SSBP3: variants seen among roughly 807,000 people sequenced by gnomAD.
SSBP3 encodes the protein single stranded DNA binding protein 3.
SSBP3 carries 5 observed loss-of-function variants against 69.6 expected under a neutral mutation model. The ratio of observed to expected loss-of-function variants is 0.07; its 90% CI spans 0.04 to 0.15. The LOEUF (loss-of-function observed/expected upper bound fraction) is 0.15, where lower values mean the gene tolerates loss of function less well. Among genes scored for constraint, SSBP3 ranks in the 10% least tolerant of loss-of-function variants. The probability of loss-of-function intolerance (pLI) is 1.00; values close to 1 mark genes in which losing one functional copy is unlikely to be tolerated. For synonymous variants in SSBP3, 196 were observed against 193.4 expected (o/e 1.01, Z -0.11); for missense variants, 312 against 534.0 (o/e 0.58, Z 4.10).
At chr1:54,282,494 T>C (rs959920173) in intron 4 of SSBP3, among the ~76,000 whole-genome samples, 1 of 152,210 alleles carries the variant, frequency 6.6e-6, no homozygotes, top group Non-Finnish European at 1.5e-5. Context: ...TGTTCTGGCA[T>C]TTGCCTGGTA....
At chr1:54,257,816 A>G (rs1380257527) in intron 6 of SSBP3, among the ~76,000 whole-genome samples, 1 of 152,228 alleles carries the variant, frequency 6.6e-6, no homozygotes, top group Non-Finnish European at 1.5e-5. Flanking sequence ...GAAAAAACAA[A>G]AACGCAAAGG....
chr1:54,233,308 C>T (rs1003617538), intron 14 of SSBP3, among the ~76,000 whole-genome samples: 4 of 147,776 alleles, frequency 2.7e-5, no homozygotes, highest in Non-Finnish European at 6.0e-5. Flanking sequence ...TCTGCCCGGC[C>T]GCGACCCCGT....
intron 4 of SSBP3, among the ~76,000 whole-genome samples, chr1:54,396,193 G>GAAAAAAAA (rs59276509): frequency 5.2e-4 from 21 of 40,578 alleles, no homozygotes; most frequent in African/African-American, 5.8e-4. Flanking sequence ...CTCCATCTCA[G>GAAAAAAAA]AAAAAAAAAA....
intron 4 of SSBP3, among the ~76,000 whole-genome samples, chr1:54,338,727 G>A (rs574956044): frequency 2.5e-4 from 38 of 152,282 alleles, no homozygotes; most frequent in African/African-American, 8.9e-4. Context: ...CGTGAACAAC[G>A]TAAAAATAGC....
At chr1:54,265,302 AAGGGTGTGGGTGTGTGTGTGTTATGT>A (rs1397832082) in intron 5 of SSBP3, among the ~76,000 whole-genome samples, 1 of 152,058 alleles carries the variant, frequency 6.6e-6, no homozygotes, top group Admixed American at 6.5e-5. Flanking sequence ...GGGTTGTGTG[AAGGGTGTGGGTGTGTGTGTGTTATGT>A]AGGGTGTGTA....
chr1:54,405,818 G>A (rs920038134), intron 1 of SSBP3, 135 bp downstream of exon 1: 176 of 471,314 alleles, frequency 3.7e-4, no homozygotes, highest in Admixed American at 6.6e-4. Context: ...AAGGGGCCAG[G>A]CAGGCGGCGC....
intron 4 of SSBP3, among the ~76,000 whole-genome samples, chr1:54,346,661 A>C (rs567314104): frequency 2.6e-5 from 4 of 151,948 alleles, no homozygotes; most frequent in East Asian, 1.9e-4. Flanking sequence ...AAAAATACAA[A>C]AAAATTGGCC....
At chr1:54,251,854 C>G in exon 8 of SSBP3, 1 of 1,611,554 alleles carries the variant, frequency 6.2e-7, no homozygotes, top group Non-Finnish European at 8.5e-7. Flanking sequence ...GGAACTCCTC[C>G]CGGAGGCTGA....
chr1:54,267,182 C>T (rs796065661), intron 5 of SSBP3, among the ~76,000 whole-genome samples: 6 of 152,336 alleles, frequency 3.9e-5, no homozygotes, highest in East Asian at 1.9e-4. Context: ...GGATATGAGA[C>T]GTGACTTTGC....
intron 4 of SSBP3, among the ~76,000 whole-genome samples, chr1:54,369,313 G>C (rs1156749652): frequency 1.4e-5 from 2 of 140,690 alleles, no homozygotes; most frequent in Non-Finnish European, 3.0e-5. Context: ...GGACGGGGGT[G>C]GGGGGGCACA....
chr1:54,359,834 C>T (rs1287699138), intron 4 of SSBP3, among the ~76,000 whole-genome samples: 2 of 152,030 alleles, frequency 1.3e-5, no homozygotes, highest in African/African-American at 4.8e-5. Context: ...ACAGCAACAC[C>T]ACTGGCCTGA....
At chr1:54,329,061 T>C (rs1646360082) in intron 4 of SSBP3, among the ~76,000 whole-genome samples, 1 of 151,894 alleles carries the variant, frequency 6.6e-6, no homozygotes. Flanking sequence ...TTCTAGAAAC[T>C]CTGTATGGCT....
chr1:54,230,035 T>A (rs1644355131), intron 14 of SSBP3, among the ~76,000 whole-genome samples: 1 of 152,070 alleles, frequency 6.6e-6, no homozygotes, highest in African/African-American at 2.4e-5. Flanking sequence ...ATCGCGGAAA[T>A]CACTCTAAGG....
intron 4 of SSBP3, among the ~76,000 whole-genome samples, chr1:54,351,608 G>A (rs776120970): frequency 6.2e-4 from 94 of 152,322 alleles, no homozygotes; most frequent in Non-Finnish European, 9.7e-4. Flanking sequence ...AAATATAAAT[G>A]AAACTTTAAC....
At chr1:54,332,197 AG>A (rs879571723) in intron 4 of SSBP3, among the ~76,000 whole-genome samples, 2 of 152,140 alleles carry the variant, frequency 1.3e-5, no homozygotes, top group South Asian at 2.1e-4. Flanking sequence ...CCAGGAGGCA[AG>A]GGGGGTGGCA....
intron 6 of SSBP3, 71 bp downstream of exon 6, chr1:54,257,998 T>C (rs1157544713): frequency 1.4e-6 from 2 of 1,448,402 alleles, no homozygotes; most frequent in African/African-American, 1.4e-5. Context: ...ATTTTTGTTT[T>C]TCCTCTGCGG....
intron 4 of SSBP3, among the ~76,000 whole-genome samples, chr1:54,317,187 G>A (rs1569782099): frequency 6.6e-6 from 1 of 152,250 alleles, no homozygotes; most frequent in Admixed American, 6.5e-5. Context: ...TTAAGGGAAT[G>A]ATTCAATAAA....
At chr1:54,289,208 C>T (rs1434435987) in intron 4 of SSBP3, among the ~76,000 whole-genome samples, 1 of 152,026 alleles carries the variant, frequency 6.6e-6, no homozygotes, top group Non-Finnish European at 1.5e-5. Context: ...TTGTGCTTCC[C>T]CAAGTAGGCT....
intron 4 of SSBP3, among the ~76,000 whole-genome samples, chr1:54,397,623 G>T (rs1324090911): frequency 6.6e-6 from 1 of 152,104 alleles, no homozygotes; most frequent in African/African-American, 2.4e-5. Flanking sequence ...AGATGAAAGG[G>T]AACTCAGGTC....
Sources: allele counts gnomAD v4.1 joint callset (sites outside exome capture counted in the v4.1 genomes callset), GRCh38; gene constraint gnomAD v4.1.1; transcripts MANE v1.5; gene names NCBI Gene and HGNC (gene_info 2026-07-23, HGNC 2026-07-21).